DOCK9: variants seen among roughly 807,000 people sequenced by gnomAD.
DOCK9 encodes dedicator of cytokinesis 9.
DOCK9 carries 89 observed loss-of-function variants against 263.3 expected under a neutral mutation model. That is an observed-to-expected ratio of 0.34 (90% CI 0.28 to 0.40). DOCK9 has a LOEUF of 0.40. Ranked by LOEUF, DOCK9 falls within the 10% of genes least tolerant of loss-of-function variation. The pLI is 1.00. For synonymous variants in DOCK9, 976 were observed against 973.1 expected (o/e 1.00, Z -0.06); for missense variants, 2,140 against 2,603.4 (o/e 0.82, Z 3.87).
At chr13:98,816,381 T>G (rs966326912) in intron 45 of DOCK9, among the ~76,000 whole-genome samples, 3 of 152,090 alleles carry the variant, frequency 2.0e-5, no homozygotes, top group Admixed American at 6.6e-5. Flanking sequence ...TGAATTCAAA[T>G]ACATGCCCAA....
At chr13:98,962,363 T>C (rs567810480) in intron 1 of DOCK9, among the ~76,000 whole-genome samples, 18 of 152,232 alleles carry the variant, frequency 1.2e-4, no homozygotes, top group Admixed American at 9.8e-4. Flanking sequence ...TGTTTTCAAA[T>C]GTTGAATTAT....
rs530437870 is a variant in DOCK9, at chr13:98,867,386, CTGTT to C, written c.3286+35_3286+38del. ...CTTTTCTTATTGAAAATAAATGTCTCTGTTTGTGAAAAGGTTAATAGAAATAAAG... is the reference window on the plus strand; with the variant it reads ...CTTTTCTTATTGAAAATAAATGTCTCTGTGAAAAGGTTAATAGAAATAAAG... On this transcript the variant is annotated intron_variant, in intron 30 of 52. Coordinates refer to ENST00000682017, the MANE Select transcript of DOCK9 (RefSeq NM_001366683.2). 7.6e-4 allele frequency: 825 copies of C among 1,091,240 alleles called. 7 individuals are homozygous for C. The South Asian group carries it at 0.011, about 14-fold the overall frequency. 67.6% of individuals were successfully genotyped at this position (1,091,240 alleles called of 1,614,324 possible). A position where few individuals can be genotyped will look rare whatever the true frequency, so the allele number is the denominator to read the frequency against.
At chr13:99,066,366 C>T (rs12020352) in intron 1 of DOCK9, among the ~76,000 whole-genome samples, 143 of 152,280 alleles carry the variant, frequency 9.4e-4, no homozygotes, top group South Asian at 3.7e-3. Flanking sequence ...ATTTTCTTTT[C>T]ATGCCCAGTA....
intron 34 of DOCK9, among the ~76,000 whole-genome samples, chr13:98,855,338 C>T (rs2093680234): frequency 6.6e-6 from 1 of 152,138 alleles, no homozygotes; most frequent in Admixed American, 6.5e-5. Context: ...CTTTGGGAGG[C>T]CGAGGCGGGC....
rs141405767 is a variant in DOCK9, at chr13:98,869,887, G to A, written c.2944-1510C>T. ...TGCCTGGACTGTGCTGTGGCAGTGA[G>A]CCAGCTTCTCAGCCACGTGGATGAG... On this transcript the variant is annotated intron_variant, in intron 27 of 52. Transcript: ENST00000682017. Among the ~76,000 whole-genome samples, 454 of 152,352 alleles carry A rather than the reference G, an allele frequency of 3.0e-3. 2 individuals carry two copies. Among genetic ancestry groups the A allele is most frequent in the Middle Eastern group, 0.014 (4 of 294 alleles).
chr13:99,047,038 A>G (rs1456035721), intron 1 of DOCK9, among the ~76,000 whole-genome samples: 2 of 152,098 alleles, frequency 1.3e-5, no homozygotes, highest in Non-Finnish European at 2.9e-5. Context: ...TATTTAAAAC[A>G]CGGCCAAACA....
At chr13:98,880,056 CATAA>C in intron 26 of DOCK9, 87 bp from the exon 27 acceptor site, 2 of 1,073,858 alleles carry the variant, frequency 1.9e-6, no homozygotes, top group Non-Finnish European at 2.7e-6. Context: ...ATATTATTGA[CATAA>C]AGCAGGTGTG....
At chr13:98,826,332 G>C (rs962453885) in intron 44 of DOCK9, among the ~76,000 whole-genome samples, 1 of 152,170 alleles carries the variant, frequency 6.6e-6, no homozygotes, top group Non-Finnish European at 1.5e-5. Context: ...GCTCATCTGG[G>C]CACAAACGGA....
chr13:99,038,287 C>CTTTTTTTTTTTTTTTTT (rs1555298970), intron 1 of DOCK9, among the ~76,000 whole-genome samples: 1 of 48,836 alleles, frequency 2.0e-5, no homozygotes, highest in East Asian at 1.2e-3. Flanking sequence ...TTTATGCCCC[C>CTTTTTTTTTTTTTTTTT]CTTTTTTTTT....
chr13:98,862,995 G>A (rs1566759062), intron 32 of DOCK9, 24 bp downstream of exon 32: 3 of 1,576,050 alleles, frequency 1.9e-6, no homozygotes, highest in Non-Finnish European at 2.6e-6. Context: ...TATAGGCTGA[G>A]TTAATGTGAC....
intron 45 of DOCK9, chr13:98,820,715 C>T: frequency 2.4e-6 from 1 of 414,776 alleles, no homozygotes. Context: ...AAAGAAAAAT[C>T]AGGAACGCCT....
At chr13:99,008,234 A>ATATATTTTT (rs1233268084) in intron 1 of DOCK9, among the ~76,000 whole-genome samples, 14 of 94,040 alleles carry the variant, frequency 1.5e-4, no homozygotes, top group Admixed American at 2.6e-4. Context: ...ATATATATAT[A>ATATATTTTT]TTTTTTTTTT....
intron 2 of DOCK9, among the ~76,000 whole-genome samples, chr13:98,942,878 T>C (rs533454232): frequency 6.6e-6 from 1 of 152,316 alleles, no homozygotes; most frequent in South Asian, 2.1e-4. Flanking sequence ...CCTACACATA[T>C]CTACACACGG....
chr13:98,904,066 G>A (rs1362397121), intron 10 of DOCK9, among the ~76,000 whole-genome samples: 1 of 152,164 alleles, frequency 6.6e-6, no homozygotes, highest in Non-Finnish European at 1.5e-5. Flanking sequence ...GTACAACAAT[G>A]AGAATGTATT....
rs749902207 is a variant in DOCK9 at position 98,863,374 on chromosome 13, G to A, written c.3461C>T (p.Ser1154Leu). 6.2e-7 allele frequency: 1 copy of A among 1,613,328 alleles called. No individual in the cohort carries two copies. Among genetic ancestry groups the A allele is most frequent in the Non-Finnish European group, 8.5e-7 (1 of 1,179,520 alleles). The change falls in exon 31 of 53, where the codon TCA becomes TTA. Residue 1154 changes from serine to leucine, a missense_variant. Physicochemically the swap from Ser to Leu is moderately radical, Grantham distance 145 (BLOSUM62 -2). Coordinates refer to ENST00000682017, the MANE Select transcript of DOCK9 (RefSeq NM_001366683.2). ...CTTCCATTGGGGACCACTCACCCTT[G>A]AAGCATATCTGTCATCAAAAGAATG... ...IKHSFDDRYA[S>L]RSHQARIATL...
intron 1 of DOCK9, among the ~76,000 whole-genome samples, chr13:99,038,288 C>CCTT (rs1888110933): frequency 1.4e-4 from 12 of 86,260 alleles, no homozygotes; most frequent in Non-Finnish European, 2.2e-4. Flanking sequence ...TTATGCCCCC[C>CCTT]TTTTTTTTTT....
chr13:99,063,128 G>T (rs2142306382), intron 1 of DOCK9, among the ~76,000 whole-genome samples: 1 of 152,332 alleles, frequency 6.6e-6, no homozygotes, highest in South Asian at 2.1e-4. Context: ...ATTAGAGAAG[G>T]ATTTAAGAAA....
At chr13:98,922,595 G>A (rs530132773) in intron 5 of DOCK9, among the ~76,000 whole-genome samples, 1 of 152,314 alleles carries the variant, frequency 6.6e-6, no homozygotes, top group Non-Finnish European at 1.5e-5. Flanking sequence ...AAGCAAGGGA[G>A]GAAATTGAGG....
chr13:98,844,925 A>C (rs1364485253), intron 38 of DOCK9, among the ~76,000 whole-genome samples: 1 of 152,224 alleles, frequency 6.6e-6, no homozygotes, highest in African/African-American at 2.4e-5. Context: ...TGTATTAAAG[A>C]CAGCACTTGG....
Sources: gnomAD v4.1 joint callset for allele counts (sites outside exome capture counted in the v4.1 genomes callset) on GRCh38, gnomAD v4.1.1 for gene constraint, MANE v1.5 for transcripts, NCBI Gene and HGNC (gene_info 2026-07-23, HGNC 2026-07-21) for gene names.